Variants in SLC39A11 observed in about 807,000 individuals in gnomAD.
SLC39A11 encodes zinc transporter ZIP11.
A neutral mutation model predicts 36.1 loss-of-function variants in SLC39A11; 33 were observed. That is an observed-to-expected ratio of 0.91 (90% confidence interval 0.69 to 1.22). The LOEUF (loss-of-function observed/expected upper bound fraction) is 1.22, where lower values mean the gene tolerates loss of function less well. SLC39A11 is among the 50% of genes most tolerant of loss of function. SLC39A11 has a pLI of 0.00. For synonymous variants in SLC39A11, 166 were observed against 170.3 expected (o/e 0.97, Z 0.20); for missense variants, 432 against 430.3 (o/e 1.00, Z -0.03).
At chr17:73,019,795 A>C (rs1439599090) in intron 4 of SLC39A11, among the ~76,000 whole-genome samples, 2 of 152,216 alleles carry the variant, frequency 1.3e-5, no homozygotes, top group African/African-American at 4.8e-5. Flanking sequence ...ATTAAATATA[A>C]ATTGACTGAA....
At chr17:72,843,866 G>A (rs1005417355) in intron 6 of SLC39A11, among the ~76,000 whole-genome samples, 2 of 152,120 alleles carry the variant, frequency 1.3e-5, no homozygotes, top group East Asian at 1.9e-4. Flanking sequence ...AGCCCCAGAC[G>A]TGTGCATATG....
chr17:72,762,164 C>T (rs1243433931), intron 6 of SLC39A11, among the ~76,000 whole-genome samples: 2 of 152,108 alleles, frequency 1.3e-5, no homozygotes, highest in South Asian at 2.1e-4. Flanking sequence ...GGCTGCATTC[C>T]CAGGAGGTTA....
intron 6 of SLC39A11, among the ~76,000 whole-genome samples, chr17:72,763,433 T>C (rs1694829501): frequency 6.6e-6 from 1 of 152,246 alleles, no homozygotes; most frequent in Non-Finnish European, 1.5e-5. Flanking sequence ...GCTTGAAGAA[T>C]TCCCTGCAGC....
intron 4 of SLC39A11, among the ~76,000 whole-genome samples, chr17:72,999,436 T>A (rs999136320): frequency 6.6e-6 from 1 of 152,248 alleles, no homozygotes; most frequent in Non-Finnish European, 1.5e-5. Flanking sequence ...CTTAGCACTC[T>A]GCAGGGAAAG....
At chr17:72,868,618 C>CAAAAAAAAAAAAAAAAAAAAAAAAAAAA in intron 5 of SLC39A11, among the ~76,000 whole-genome samples, 1 of 56,462 alleles carries the variant, frequency 1.8e-5, no homozygotes, top group Non-Finnish European at 3.1e-5. Context: ...CCTGTCTCTA[C>CAAAAAAAAAAAAAAAAAAAAAAAAAAAA]AAAAAAAAAA....
chr17:73,070,729 T>A (rs1448721723), intron 3 of SLC39A11, among the ~76,000 whole-genome samples: 1 of 152,142 alleles, frequency 6.6e-6, no homozygotes, highest in Non-Finnish European at 1.5e-5. Context: ...GCCTTTCCCA[T>A]GCTCTTCTCA....
chr17:72,898,251 C>G (rs747299506), intron 5 of SLC39A11, among the ~76,000 whole-genome samples: 9 of 152,116 alleles, frequency 5.9e-5, no homozygotes, highest in Non-Finnish European at 1.2e-4. Context: ...TGGCCGCCCC[C>G]AAAGACATAA....
intron 5 of SLC39A11, among the ~76,000 whole-genome samples, chr17:72,905,799 G>C (rs1299287181): frequency 1.3e-5 from 2 of 151,802 alleles, no homozygotes; most frequent in Non-Finnish European, 2.9e-5. Context: ...TGTCGCCCAG[G>C]CTAGAGTACA....
At chr17:72,796,253 C>T (rs1027689837) in intron 6 of SLC39A11, among the ~76,000 whole-genome samples, 15 of 152,138 alleles carry the variant, frequency 9.9e-5, no homozygotes, top group African/African-American at 3.4e-4. Context: ...AGTCACATCT[C>T]CTTTATCAAG....
chr17:72,971,225 A>C (rs1350628667), intron 4 of SLC39A11, among the ~76,000 whole-genome samples: 1 of 152,154 alleles, frequency 6.6e-6, no homozygotes, highest in Non-Finnish European at 1.5e-5. Context: ...CTTGAACTAA[A>C]ATGAGATTTC....
At chr17:72,947,641 G>A in intron 5 of SLC39A11, 111 bp downstream of exon 5, 2 of 1,500,260 alleles carry the variant, frequency 1.3e-6, no homozygotes. Flanking sequence ...GGATAGGACA[G>A]TGCTGGCATT....
chr17:72,931,040 G>A (rs1431406807), intron 5 of SLC39A11, among the ~76,000 whole-genome samples: 1 of 152,202 alleles, frequency 6.6e-6, no homozygotes, highest in African/African-American at 2.4e-5. Context: ...GAGCCTGAGA[G>A]AATTCTTCAA....
intron 5 of SLC39A11, among the ~76,000 whole-genome samples, chr17:72,869,781 T>C (rs2080510725): frequency 6.6e-6 from 1 of 152,204 alleles, no homozygotes; most frequent in African/African-American, 2.4e-5. Context: ...CTGCTGACAT[T>C]TGAAAGCACG....
chr17:72,982,842 A>T (rs2088430574), intron 4 of SLC39A11, among the ~76,000 whole-genome samples: 1 of 152,204 alleles, frequency 6.6e-6, no homozygotes, highest in Non-Finnish European at 1.5e-5. Context: ...AGCTAAAATA[A>T]ATAGTTGGAT....
chr17:72,733,361 G>GT lies in SLC39A11; in HGVS notation c.671+3288dup, dbSNP rs202232619. 6.3e-3 allele frequency among the ~76,000 whole-genome samples: 960 copies of GT among 152,282 alleles called. 5 individuals carry two copies. The highest frequency in any genetic ancestry group is 0.01 in the Non-Finnish European group (704 of 68,016). On this transcript the variant is annotated intron_variant, in intron 7 of 9. Coordinates refer to ENST00000255559, the MANE Select transcript of SLC39A11 (RefSeq NM_139177.4). ...GACAAATGTTCAGCTTCTAGGAAGA[G>GT]TTTTTTCATACAAATTGTGTTTTCT...
At chr17:72,768,677 G>A (rs933211107) in intron 6 of SLC39A11, among the ~76,000 whole-genome samples, 1 of 152,168 alleles carries the variant, frequency 6.6e-6, no homozygotes, top group South Asian at 2.1e-4. Context: ...TGCTGTGGTC[G>A]AATCTAGCCA....
chr17:73,018,812 A>G (rs188681675), intron 4 of SLC39A11, among the ~76,000 whole-genome samples: 73 of 152,048 alleles, frequency 4.8e-4, no homozygotes, highest in Admixed American at 3.5e-3. Flanking sequence ...ACTAGACATG[A>G]GAAGAAACAA....
chr17:73,004,121 A>AAGAAAG (rs2089990598), intron 4 of SLC39A11, among the ~76,000 whole-genome samples: 1 of 149,046 alleles, frequency 6.7e-6, no homozygotes, highest in Non-Finnish European at 1.5e-5. Context: ...AGAGAGAGAA[A>AAGAAAG]GAAAGAAAGG....
intron 6 of SLC39A11, among the ~76,000 whole-genome samples, chr17:72,754,029 TATATATATATATATATACAC>T (rs2075262596): frequency 9.3e-6 from 1 of 107,232 alleles, no homozygotes; most frequent in African/African-American, 4.6e-5. Flanking sequence ...TGTATATATA[TATATATATATATATATACAC>T]ATACACACAC....
Sources: allele counts gnomAD v4.1 joint callset (sites outside exome capture counted in the v4.1 genomes callset), GRCh38; gene constraint gnomAD v4.1.1; transcripts MANE v1.5; gene names NCBI Gene and HGNC (gene_info 2026-07-23, HGNC 2026-07-21).